RIMS2: variants seen among roughly 807,000 people sequenced by gnomAD.
The protein encoded by RIMS2 is regulating synaptic membrane exocytosis 2.
RIMS2 carries 59 observed loss-of-function variants against 174.4 expected under a neutral mutation model. The observed-to-expected ratio is 0.34, with a 90% confidence interval of 0.27 to 0.42. The LOEUF (loss-of-function observed/expected upper bound fraction) is 0.42, where lower values mean the gene tolerates loss of function less well. Ranked by LOEUF, RIMS2 falls within the 10% of genes least tolerant of loss-of-function variation. The probability of loss-of-function intolerance (pLI) is 1.00; values close to 1 mark genes in which losing one functional copy is unlikely to be tolerated. For synonymous variants in RIMS2, 606 were observed against 572.5 expected (o/e 1.06, Z -0.84); for missense variants, 1,620 against 1,666.3 (o/e 0.97, Z 0.48).
intron 14 of RIMS2, among the ~76,000 whole-genome samples, chr8:103,960,455 CTT>C (rs1366937386): frequency 3.9e-5 from 6 of 152,186 alleles, no homozygotes; most frequent in Admixed American, 6.5e-5. Context: ...TTGTGGATGA[CTT>C]TTTTCTTATT....
intron 19 of RIMS2, among the ~76,000 whole-genome samples, chr8:104,149,219 C>A (rs1447137172): frequency 6.6e-6 from 1 of 152,156 alleles, no homozygotes; most frequent in East Asian, 1.9e-4. Context: ...TTTCCATTCC[C>A]AGCAAGATGC....
exon 4 of RIMS2, chr8:103,885,803 G>A (rs745754491): frequency 6.8e-6 from 11 of 1,612,914 alleles, no homozygotes; most frequent in Admixed American, 1.7e-5. Flanking sequence ...AGAACGTAGA[G>A]CTGCCATGGA....
rs569039572 is a variant in RIMS2, at chr8:103,660,684, T to C, written c.177-36402T>C. ...CTGGACATAGATGTGTTTCCAGGTCTAACATAGATAATCTTTAATCTGAAT... is the reference window on the plus strand; with the variant it reads ...CTGGACATAGATGTGTTTCCAGGTCCAACATAGATAATCTTTAATCTGAAT... On this transcript the variant is annotated intron_variant, in intron 1 of 23. Transcript: ENST00000504942. Among the ~76,000 whole-genome samples the C allele has an allele frequency of 2.0e-5, 3 of 152,350 alleles. No homozygotes were observed. The East Asian group carries it at 5.8e-4, about 29-fold the overall frequency.
chr8:104,182,580 A>G (rs1288891141), intron 19 of RIMS2, among the ~76,000 whole-genome samples: 2 of 151,470 alleles, frequency 1.3e-5, no homozygotes, highest in African/African-American at 2.4e-5. Context: ...CTACTAATCT[A>G]CTTTCTGTCT....
chr8:103,686,575 T>A (rs2096942547), intron 1 of RIMS2, among the ~76,000 whole-genome samples: 1 of 152,186 alleles, frequency 6.6e-6, no homozygotes, highest in Admixed American at 6.6e-5. Flanking sequence ...CATATTAATA[T>A]GACAGATTAT....
intron 19 of RIMS2, among the ~76,000 whole-genome samples, chr8:104,135,115 A>G (rs773191312): frequency 4.6e-5 from 7 of 152,174 alleles, no homozygotes; most frequent in Non-Finnish European, 7.4e-5. Context: ...GATAGCATCT[A>G]TTTTCTCTAT....
intron 3 of RIMS2, among the ~76,000 whole-genome samples, chr8:103,809,117 C>T (rs2098669818): frequency 2.0e-5 from 3 of 152,218 alleles, no homozygotes; most frequent in South Asian, 4.1e-4. Context: ...GAATTGGCCT[C>T]TTGTGGTTCT....
At chr8:103,566,854 T>G (rs985704569) in intron 1 of RIMS2, among the ~76,000 whole-genome samples, 3 of 152,316 alleles carry the variant, frequency 2.0e-5, no homozygotes, top group South Asian at 4.1e-4. Flanking sequence ...TACTGTACAA[T>G]TCAGCCTTTC....
chr8:104,080,510 A>G (rs2097396254), intron 19 of RIMS2, among the ~76,000 whole-genome samples: 1 of 152,048 alleles, frequency 6.6e-6, no homozygotes, highest in African/African-American at 2.4e-5. Context: ...CATAATAACT[A>G]TGACTTAGAG....
chr8:103,624,479 G>C (rs1308153049), intron 1 of RIMS2, among the ~76,000 whole-genome samples: 2 of 152,082 alleles, frequency 1.3e-5, no homozygotes, highest in Non-Finnish European at 2.9e-5. Flanking sequence ...GGACTTCTTA[G>C]CCTCCATAAT....
At chr8:103,736,622 T>C (rs1347084680) in intron 2 of RIMS2, among the ~76,000 whole-genome samples, 1 of 152,156 alleles carries the variant, frequency 6.6e-6, no homozygotes, top group East Asian at 1.9e-4. Flanking sequence ...AAACCATATT[T>C]GTCTTTATAA....
intron 19 of RIMS2, among the ~76,000 whole-genome samples, chr8:104,188,886 G>A (rs1386858044): frequency 1.3e-5 from 2 of 151,840 alleles, no homozygotes; most frequent in Non-Finnish European, 2.9e-5. Context: ...AGAAGCAGTA[G>A]TTGTATGGAC....
At chr8:103,860,234 G>C (rs73293832) in intron 3 of RIMS2, among the ~76,000 whole-genome samples, 1 of 152,110 alleles carries the variant, frequency 6.6e-6, no homozygotes, top group Admixed American at 6.6e-5. Flanking sequence ...AGGGAATGGC[G>C]TGTTTTGAGA....
intron 1 of RIMS2, among the ~76,000 whole-genome samples, chr8:103,654,181 G>A (rs1236817368): frequency 6.6e-6 from 1 of 151,892 alleles, no homozygotes; most frequent in East Asian, 1.9e-4. Context: ...TGTATCTTGT[G>A]TGTGAGGTTT....
chr8:103,831,349 A>AGG (rs1395839889), intron 3 of RIMS2, among the ~76,000 whole-genome samples: 2 of 152,168 alleles, frequency 1.3e-5, no homozygotes, highest in Non-Finnish European at 1.5e-5. Flanking sequence ...GACCTGAAAG[A>AGG]GGGCTTTTCT....
chr8:104,247,238 G>C (rs1477357422), intron 20 of RIMS2, among the ~76,000 whole-genome samples: 1 of 152,146 alleles, frequency 6.6e-6, no homozygotes, highest in African/African-American at 2.4e-5. Context: ...CCACAGGCTG[G>C]GTGGCTTAAA....
At chr8:103,924,593 T>G (rs1224725496) in intron 10 of RIMS2, among the ~76,000 whole-genome samples, 1 of 151,600 alleles carries the variant, frequency 6.6e-6, no homozygotes, top group South Asian at 2.1e-4. Flanking sequence ...TTTGGTTAGT[T>G]TTTACTTGGG....
intron 19 of RIMS2, among the ~76,000 whole-genome samples, chr8:104,229,079 A>G (rs536066477): frequency 6.6e-6 from 1 of 152,324 alleles, no homozygotes; most frequent in South Asian, 2.1e-4. Flanking sequence ...ATAAAAGTAA[A>G]ATTAAACCTC....
At chr8:103,755,968 G>A (rs1021292226) in intron 2 of RIMS2, among the ~76,000 whole-genome samples, 2 of 152,104 alleles carry the variant, frequency 1.3e-5, no homozygotes, top group Admixed American at 1.3e-4. Flanking sequence ...TTGTTCCATT[G>A]CTGGCGAGGG....
Sources: gnomAD v4.1 joint callset for allele counts (sites outside exome capture counted in the v4.1 genomes callset) on GRCh38, gnomAD v4.1.1 for gene constraint, MANE v1.5 for transcripts, NCBI Gene and HGNC (gene_info 2026-07-23, HGNC 2026-07-21) for gene names.